The following IQCM variants were observed in gnomAD, a reference collection of about 807,000 sequenced individuals.
IQCM encodes the protein IQ domain-containing protein M.
A neutral mutation model predicts 57.6 loss-of-function variants in IQCM; 45 were observed. The observed-to-expected ratio is 0.78, with a 90% CI of 0.62 to 1.00. The LOEUF (loss-of-function observed/expected upper bound fraction) is 1.00, where lower values mean the gene tolerates loss of function less well. Ranked by LOEUF, IQCM falls within the 50% of genes least tolerant of loss-of-function variation. The probability of loss-of-function intolerance (pLI) is 0.00; values close to 1 mark genes in which losing one functional copy is unlikely to be tolerated. For missense variants in IQCM, 468 were observed against 511.6 expected (o/e 0.91, Z 0.82); for synonymous variants, 148 against 158.9 (o/e 0.93, Z 0.51).
At chr4:149,365,291 C>A (rs1380218313) in intron 13 of IQCM, among the ~76,000 whole-genome samples, 1 of 152,048 alleles carries the variant, frequency 6.6e-6, no homozygotes, top group Non-Finnish European at 1.5e-5. Flanking sequence ...AGCTCCCAAT[C>A]TCTAAATCTG....
intron 5 of IQCM, among the ~76,000 whole-genome samples, chr4:149,709,042 T>G (rs769907651): frequency 2.6e-5 from 4 of 152,064 alleles, no homozygotes; most frequent in Non-Finnish European, 5.9e-5. Flanking sequence ...TTAAAACACT[T>G]TACTTCCCAG....
chr4:149,487,763 T>G (rs1741676016), intron 12 of IQCM, among the ~76,000 whole-genome samples: 1 of 152,230 alleles, frequency 6.6e-6, no homozygotes, highest in South Asian at 2.1e-4. Context: ...TCTCCTTCCT[T>G]AAAATGCACA....
At chr4:149,476,399 C>T (rs1354471659) in intron 12 of IQCM, among the ~76,000 whole-genome samples, 2 of 152,070 alleles carry the variant, frequency 1.3e-5, no homozygotes, top group Non-Finnish European at 2.9e-5. Context: ...ATTTGTATTA[C>T]AATATGAAAT....
intron 12 of IQCM, among the ~76,000 whole-genome samples, chr4:149,515,709 A>G (rs189692511): frequency 4.6e-5 from 7 of 152,336 alleles, no homozygotes; most frequent in Admixed American, 1.3e-4. Flanking sequence ...TGCACTTTGC[A>G]TGGAAGGAAA....
chr4:149,762,980 T>C (rs1166127521), intron 2 of IQCM, among the ~76,000 whole-genome samples: 1 of 152,070 alleles, frequency 6.6e-6, no homozygotes, highest in Non-Finnish European at 1.5e-5. Context: ...GAGAATTGTA[T>C]GTATTACAAC....
At chr4:149,500,820 C>T (rs1304342247) in intron 12 of IQCM, among the ~76,000 whole-genome samples, 5 of 152,046 alleles carry the variant, frequency 3.3e-5, no homozygotes, top group Non-Finnish European at 7.4e-5. Context: ...AGATGAATAG[C>T]CCAGACACAC....
At chr4:149,510,387 T>C (rs1744284194) in intron 12 of IQCM, among the ~76,000 whole-genome samples, 1 of 152,178 alleles carries the variant, frequency 6.6e-6, no homozygotes, top group Non-Finnish European at 1.5e-5. Flanking sequence ...ATATCCCAAG[T>C]ATTACAAGTA....
intron 13 of IQCM, among the ~76,000 whole-genome samples, chr4:149,369,202 G>C (rs1730192793): frequency 6.6e-6 from 1 of 150,804 alleles, no homozygotes; most frequent in African/African-American, 2.4e-5. Flanking sequence ...CTGCCATCAT[G>C]CCTGTCTAAT....
chr4:149,709,621 T>A (rs192833914), intron 5 of IQCM, among the ~76,000 whole-genome samples: 2 of 152,232 alleles, frequency 1.3e-5, no homozygotes, highest in East Asian at 3.9e-4. Flanking sequence ...GGCCAAGATA[T>A]TTCAGCAGGA....
chr4:149,457,531 C>T (rs970318507), intron 12 of IQCM, among the ~76,000 whole-genome samples: 23 of 151,768 alleles, frequency 1.5e-4, no homozygotes, highest in African/African-American at 4.8e-4. Context: ...AATTCTAAAA[C>T]CAAGACATGA....
intron 12 of IQCM, among the ~76,000 whole-genome samples, chr4:149,508,709 T>C (rs888219388): frequency 6.6e-6 from 1 of 152,202 alleles, no homozygotes; most frequent in East Asian, 1.9e-4. Flanking sequence ...GAGTTAATGC[T>C]GAAATGAGTT....
chr4:149,547,773 A>G (rs1433690349), intron 12 of IQCM, among the ~76,000 whole-genome samples: 1 of 152,180 alleles, frequency 6.6e-6, no homozygotes. Context: ...TTACATCTTT[A>G]ATATAAACCA....
At chr4:149,398,112 T>C (rs1298396756) in intron 13 of IQCM, among the ~76,000 whole-genome samples, 1 of 152,022 alleles carries the variant, frequency 6.6e-6, no homozygotes, top group Admixed American at 6.6e-5. Context: ...GTTTTGAATA[T>C]GGTTATCCAG....
chr4:149,790,017 T>A (rs943446491), intron 2 of IQCM: 2 of 396,246 alleles, frequency 5.0e-6, no homozygotes, highest in African/African-American at 4.2e-5. Context: ...GACACAGATC[T>A]GTGTTGTACT....
intron 8 of IQCM, among the ~76,000 whole-genome samples, chr4:149,590,001 A>C (rs1473978170): frequency 1.3e-5 from 2 of 151,950 alleles, no homozygotes; most frequent in Non-Finnish European, 2.9e-5. Context: ...ACACTTGCCA[A>C]CTTAATTTTT....
intron 2 of IQCM, among the ~76,000 whole-genome samples, chr4:149,743,113 A>G (rs918670434): frequency 2.6e-5 from 4 of 152,144 alleles, no homozygotes; most frequent in Non-Finnish European, 5.9e-5. Context: ...GACCCTATGC[A>G]GGTCTCTCCG....
At chr4:149,404,603 G>A (rs1480074924) in intron 13 of IQCM, among the ~76,000 whole-genome samples, 1 of 151,978 alleles carries the variant, frequency 6.6e-6, no homozygotes. Context: ...TTTATTTCTT[G>A]GAGTGTAAAA....
At chr4:149,388,568 A>G (rs942503077) in intron 13 of IQCM, among the ~76,000 whole-genome samples, 1 of 130,918 alleles carries the variant, frequency 7.6e-6, no homozygotes, top group Non-Finnish European at 1.6e-5. Flanking sequence ...ATATTTATAT[A>G]CATAAATATA....
chr4:149,385,976 C>A (rs1467740584), intron 13 of IQCM, among the ~76,000 whole-genome samples: 3 of 151,932 alleles, frequency 2.0e-5, no homozygotes, highest in African/African-American at 7.3e-5. Context: ...TTCACTTTTC[C>A]AGAGGGAAGG....
Sources: allele counts gnomAD v4.1 joint callset (sites outside exome capture counted in the v4.1 genomes callset), GRCh38; gene constraint gnomAD v4.1.1; transcripts MANE v1.5; gene names NCBI Gene and HGNC (gene_info 2026-07-23, HGNC 2026-07-21).